Variants in NUGGC observed in about 807,000 individuals in gnomAD.
NUGGC encodes nuclear GTPase, germinal center associated, also known as nuclear GTPase SLIP-GC.
A neutral mutation model predicts 92.6 loss-of-function variants in NUGGC; 58 were observed. The ratio of observed to expected loss-of-function variants is 0.63; its 90% confidence interval spans 0.51 to 0.78. NUGGC has a LOEUF of 0.78. NUGGC is among the 30% of genes least tolerant of loss of function. The pLI is 0.00. For synonymous variants in NUGGC, 376 were observed against 366.4 expected, an observed-to-expected ratio of 1.03 and a Z score of -0.30; for missense variants, 925 against 964.6, an observed-to-expected ratio of 0.96 and a Z score of 0.54.
intron 4 of NUGGC, 80 bp from the exon 5 acceptor site, chr8:28,068,518 T>G: frequency 1.0e-6 from 1 of 970,858 alleles, no homozygotes; most frequent in Non-Finnish European, 1.6e-6. Flanking sequence ...GCAAAGGAAC[T>G]GAATTCTAAT....
chr8:28,064,475 T>C (rs1289770217), intron 7 of NUGGC, 47 bp downstream of exon 7: 1 of 1,467,746 alleles, frequency 6.8e-7, no homozygotes. Flanking sequence ...TGAGAAAGGG[T>C]AGAGGAGTTT....
chr8:28,055,861 C>A, intron 10 of NUGGC, 104 bp downstream of exon 10: 2 of 625,298 alleles, frequency 3.2e-6, no homozygotes, highest in Non-Finnish European at 2.8e-6. Flanking sequence ...CTGTCTATTC[C>A]AAAACTTTGG....
intron 13 of NUGGC, among the ~76,000 whole-genome samples, chr8:28,040,211 C>T (rs1283485317): frequency 6.6e-6 from 1 of 152,136 alleles, no homozygotes. Context: ...CCTCTTTTTT[C>T]ACCCCTTAGT....
intron 9 of NUGGC, among the ~76,000 whole-genome samples, chr8:28,057,976 G>C (rs1810190561): frequency 6.6e-6 from 1 of 152,152 alleles, no homozygotes; most frequent in Admixed American, 6.5e-5. Flanking sequence ...TGGATCACCT[G>C]AGGTCAGGGG....
At chr8:28,047,744 A>T in intron 10 of NUGGC, 132 bp from the exon 11 acceptor site, 1 of 567,638 alleles carries the variant, frequency 1.8e-6, no homozygotes, top group Non-Finnish European at 3.1e-6. Flanking sequence ...CTCTCTGGGA[A>T]CAGACAATGT....
intron 1 of NUGGC, among the ~76,000 whole-genome samples, chr8:28,078,407 C>T (rs1406183687): frequency 6.6e-6 from 1 of 152,154 alleles, no homozygotes; most frequent in Non-Finnish European, 1.5e-5. Context: ...TAGTTTGGTA[C>T]AGACATTCAG....
At chr8:28,082,284 C>T (rs1280144586) in intron 1 of NUGGC, among the ~76,000 whole-genome samples, 2 of 152,212 alleles carry the variant, frequency 1.3e-5, no homozygotes, top group Non-Finnish European at 2.9e-5. Flanking sequence ...TTTAGGATGA[C>T]ATGTTTTTCT....
intron 2 of NUGGC, among the ~76,000 whole-genome samples, chr8:28,071,878 G>C (rs1810599338): frequency 6.6e-6 from 1 of 152,084 alleles, no homozygotes. Context: ...AGGCCATGAG[G>C]CTCCAAAACT....
chr8:28,074,447 G>A lies in NUGGC; in HGVS notation c.-37C>T. On this transcript the variant is annotated 5_prime_UTR_variant, in exon 2 of 19. Transcript: ENST00000413272. ...TGAACTCCTGCTCTTCTCAGTTCAG[G>A]AGAACCAGCCTGTGAAGACAAAGTA... 1.2e-6 allele frequency: 2 copies of A among 1,611,668 alleles called. No individual in the cohort carries two copies. Among genetic ancestry groups the A allele is most frequent in the Non-Finnish European group, 8.5e-7 (1 of 1,178,600 alleles).
intron 1 of NUGGC, among the ~76,000 whole-genome samples, chr8:28,075,130 C>T (rs531050030): frequency 6.6e-6 from 1 of 152,252 alleles, no homozygotes; most frequent in Non-Finnish European, 1.5e-5. Context: ...CAGAAAGTCT[C>T]AGCAGGAATC....
chr8:28,072,073 C>T (rs918077916), intron 2 of NUGGC, among the ~76,000 whole-genome samples: 30 of 152,210 alleles, frequency 2.0e-4, no homozygotes, highest in African/African-American at 4.8e-5. Context: ...GAAATGGAAG[C>T]CAACGCACAC....
chr8:28,074,568 A>G (rs1810673824), intron 1 of NUGGC, 112 bp from the exon 2 acceptor site: 4 of 684,120 alleles, frequency 5.8e-6, no homozygotes, highest in Middle Eastern at 2.5e-4. Context: ...ATTCCAACGT[A>G]TCTCTGAATC....
intron 17 of NUGGC, 32 bp from the exon 18 acceptor site, chr8:28,027,084 T>C (rs746347167): frequency 2.6e-6 from 4 of 1,525,090 alleles, no homozygotes; most frequent in Admixed American, 1.7e-5. Flanking sequence ...TCTGTTAGGA[T>C]GGTGCAGCCC....
chr8:28,046,918 C>T (rs982390382), intron 11 of NUGGC, among the ~76,000 whole-genome samples: 2 of 151,606 alleles, frequency 1.3e-5, no homozygotes, highest in African/African-American at 4.9e-5. Flanking sequence ...ATCAACCCAC[C>T]TCGACCTCCC....
intron 4 of NUGGC, among the ~76,000 whole-genome samples, chr8:28,068,920 A>G (rs1468162175): frequency 6.6e-6 from 1 of 152,016 alleles, no homozygotes; most frequent in Admixed American, 6.6e-5. Context: ...TGTATTTTGT[A>G]TAGAGACAGA....
intron 3 of NUGGC, 184 bp from the exon 4 acceptor site, chr8:28,069,836 G>T: frequency 1.7e-6 from 1 of 584,760 alleles, no homozygotes; most frequent in Admixed American, 3.0e-5. Context: ...AGCAATCATT[G>T]GTTCTGAAAA....
intron 10 of NUGGC, among the ~76,000 whole-genome samples, chr8:28,054,108 A>G (rs1169720646): frequency 6.6e-6 from 1 of 152,244 alleles, no homozygotes; most frequent in Non-Finnish European, 1.5e-5. Context: ...CATCTGTCAC[A>G]TGGTACTTAC....
chr8:28,053,525 T>C (rs538346735), intron 10 of NUGGC, among the ~76,000 whole-genome samples: 1 of 151,280 alleles, frequency 6.6e-6, no homozygotes, highest in East Asian at 1.9e-4. Flanking sequence ...GTAGTACAAG[T>C]AAAGGTTTCA....
At position 28,031,451 on chromosome 8, in the gene NUGGC, T is replaced by A. The variant is rs1004091445; in HGVS notation, c.1770-70A>T. On this transcript the variant is annotated intron_variant, in intron 14 of 18. Coordinates refer to ENST00000413272, the MANE Select transcript of NUGGC (RefSeq NM_001010906.2). ...TGTGAGGCTGAAACAAACACGAAAC[T>A]AGCTGGTGTCCTTTTATTCATTTAA... 1.3e-5 allele frequency: 18 copies of A among 1,417,430 alleles called. No homozygotes were observed. The East Asian group carries it at 4.1e-4, about 32-fold the overall frequency. 87.8% of individuals were successfully genotyped at this position (1,417,430 alleles called of 1,614,324 possible).
Sources: allele counts gnomAD v4.1 joint callset (sites outside exome capture counted in the v4.1 genomes callset), GRCh38; gene constraint gnomAD v4.1.1; transcripts MANE v1.5; gene names NCBI Gene and HGNC (gene_info 2026-07-23, HGNC 2026-07-21).